Variants in PRKRIP1 observed in about 807,000 individuals in gnomAD.
PRKRIP1 encodes PRKR-interacting protein 1.
In PRKRIP1, 29 loss-of-function variants were observed where a neutral mutation model predicts 29.3. The observed-to-expected ratio is 0.99, with a 90% confidence interval of 0.74 to 1.35. The LOEUF (loss-of-function observed/expected upper bound fraction) is 1.35. Ranked by LOEUF, PRKRIP1 falls within the 40% of genes most tolerant of loss-of-function variation. The pLI, the probability that PRKRIP1 is intolerant of heterozygous loss-of-function variation, is 0.00. For missense variants in PRKRIP1, 247 were observed against 236.8 expected (o/e 1.04, Z -0.28); for synonymous variants, 90 against 85.1 (o/e 1.06, Z -0.32).
rs1445536579 is a variant in PRKRIP1 at position 102,425,262 on chromosome 7, A to G, written c.*151A>G. 5.4e-6 allele frequency: 8 copies of G among 1,485,456 alleles called. No individual in the cohort carries two copies. Among genetic ancestry groups the G allele is most frequent in the Non-Finnish European group, 7.1e-6 (8 of 1,120,762 alleles). 92.0% of individuals were successfully genotyped at this position (1,485,456 alleles called of 1,614,324 possible). A position where few individuals can be genotyped will look rare whatever the true frequency, so the allele number is the denominator to read the frequency against. ...CCTCCCGAGCCGCTCACAGTCCTGT[A>G]TTTGGCAGGTTTGGGAGCCTGAGGG... is the stretch of plus-strand genomic sequence containing the variant. On this transcript the variant is annotated 3_prime_UTR_variant, in exon 6 of 6. Coordinates refer to ENST00000397912, the MANE Select transcript of PRKRIP1 (RefSeq NM_024653.4).
At chr7:102,413,015 C>G (rs187070906) in intron 5 of PRKRIP1, among the ~76,000 whole-genome samples, 1 of 152,168 alleles carries the variant, frequency 6.6e-6, no homozygotes, top group Non-Finnish European at 1.5e-5. Context: ...AAATCCAGGG[C>G]GCCCTTAGGG....
chr7:102,420,310 T>C (rs575549876), intron 5 of PRKRIP1, among the ~76,000 whole-genome samples: 16 of 152,348 alleles, frequency 1.1e-4, no homozygotes, highest in African/African-American at 3.8e-4. Flanking sequence ...CAAACTGTCT[T>C]GCAAAGTGGC....
chr7:102,397,387 A>G (rs1795936543), intron 1 of PRKRIP1, among the ~76,000 whole-genome samples: 1 of 152,022 alleles, frequency 6.6e-6, no homozygotes, highest in African/African-American at 2.4e-5. Context: ...TCTTTACAAA[A>G]ATAAAAAAAT....
intron 5 of PRKRIP1, among the ~76,000 whole-genome samples, chr7:102,418,266 T>A (rs1796606396): frequency 6.6e-6 from 1 of 152,068 alleles, no homozygotes; most frequent in Admixed American, 6.6e-5. Flanking sequence ...GCCAGGCTGG[T>A]CTCGAACTCC....
Position 102,399,573 on chromosome 7 carries a change from A to C in PRKRIP1, c.231A>C (p.Gly77=). ...GTTCAAGTGCTGGGGCCGGCAGTGG[A>C]GAGTTCCACGTGTACAGACATCTGC... ...VMGSSAGAGS[G]EFHVYRHLRR... Residue 77 remains glycine (G), a synonymous_variant, in exon 3 of 6, where the codon GGA becomes GGC. Coordinates refer to ENST00000397912, the MANE Select transcript of PRKRIP1 (RefSeq NM_024653.4). 1 of 1,614,134 alleles carries C rather than the reference A, an allele frequency of 6.2e-7. No individual in the cohort carries two copies. Among genetic ancestry groups the C allele is most frequent in the Non-Finnish European group, 8.5e-7 (1 of 1,180,014 alleles).
At chr7:102,418,527 A>C (rs1240579109) in intron 5 of PRKRIP1, among the ~76,000 whole-genome samples, 1 of 152,096 alleles carries the variant, frequency 6.6e-6, no homozygotes, top group Non-Finnish European at 1.5e-5. Flanking sequence ...TAATACCCAT[A>C]ACCATCCCCA....
intron 5 of PRKRIP1, among the ~76,000 whole-genome samples, chr7:102,413,241 G>T (rs1362624982): frequency 6.6e-6 from 1 of 152,154 alleles, no homozygotes. Context: ...CACCCCAGTG[G>T]GGGAGGAGGA....
chr7:102,396,474 CGTCAT>C lies in PRKRIP1; in HGVS notation c.64_68del (p.Val22ProfsTer31). 1.9e-6 allele frequency: 3 copies of C among 1,609,894 alleles called. No individual in the cohort carries two copies. In the South Asian group the frequency reaches 3.3e-5, roughly 18 times the overall value. On this transcript the variant is annotated frameshift_variant, in exon 1 of 6. Coordinates refer to ENST00000397912, the MANE Select transcript of PRKRIP1 (RefSeq NM_024653.4). LOFTEE classifies it high-confidence loss of function. ...GGCCCAAGAAAGAGCCGCAGACGCT[CGTCAT>C]CCCCAAGAATGCGGCGGAGGAGCAG... is the stretch of plus-strand genomic sequence containing the variant.
At chr7:102,403,423 A>G (rs782812121) in intron 3 of PRKRIP1, among the ~76,000 whole-genome samples, 4 of 152,138 alleles carry the variant, frequency 2.6e-5, no homozygotes, top group Non-Finnish European at 5.9e-5. Context: ...TTTTTGCTCC[A>G]TTGACCTTTA....
chr7:102,401,653 A>C (rs111730991), intron 3 of PRKRIP1, among the ~76,000 whole-genome samples: 77 of 152,344 alleles, frequency 5.1e-4, no homozygotes, highest in African/African-American at 1.8e-3. Context: ...GAATCGCTTG[A>C]ACCCAGGAGT....
At chr7:102,419,690 C>T (rs553074011) in intron 5 of PRKRIP1, among the ~76,000 whole-genome samples, 7 of 152,120 alleles carry the variant, frequency 4.6e-5, no homozygotes, top group South Asian at 2.1e-4. Flanking sequence ...CTTACCAGAA[C>T]GTGGCTTAAT....
At chr7:102,405,165 G>C (rs1796181075) in intron 4 of PRKRIP1, among the ~76,000 whole-genome samples, 1 of 152,128 alleles carries the variant, frequency 6.6e-6, no homozygotes, top group South Asian at 2.1e-4. Flanking sequence ...CACCTCAGGT[G>C]ATCCGCCTGC....
chr7:102,419,073 T>G (rs1278245104), intron 5 of PRKRIP1, among the ~76,000 whole-genome samples: 1 of 152,136 alleles, frequency 6.6e-6, no homozygotes, highest in Non-Finnish European at 1.5e-5. Context: ...ATGTGTCACC[T>G]TCTGCGTTCC....
intron 2 of PRKRIP1, 148 bp downstream of exon 2, chr7:102,397,846 C>G (rs1252900542): frequency 8.2e-6 from 5 of 613,398 alleles, no homozygotes; most frequent in Non-Finnish European, 1.1e-5. Flanking sequence ...GAGATCGAGA[C>G]CATCCTGGCT....
chr7:102,397,503 A>C, intron 1 of PRKRIP1, 117 bp from the exon 2 acceptor site: 1 of 766,188 alleles, frequency 1.3e-6, no homozygotes, highest in South Asian at 1.7e-5. Context: ...CTCTGATTGC[A>C]CCACTGCACT....
In PRKRIP1 at chr7:102,396,366, C is replaced by G; in HGVS notation, c.-46C>G. Reference sequence around the variant, plus strand: ...GCCGGCGCGCGGCTGTGTCGTCATACTTGCGCGCCGACGCCGCCGCTCGCT... The same window carrying G: ...GCCGGCGCGCGGCTGTGTCGTCATAGTTGCGCGCCGACGCCGCCGCTCGCT... On this transcript the variant is annotated 5_prime_UTR_variant, in exon 1 of 6. Coordinates refer to ENST00000397912, the MANE Select transcript of PRKRIP1 (RefSeq NM_024653.4). 3 of 1,479,042 alleles carry G rather than the reference C, an allele frequency of 2.0e-6. No individual in the cohort carries two copies. The highest frequency in any genetic ancestry group is 2.7e-6 in the Non-Finnish European group (3 of 1,119,196). 91.6% of individuals were successfully genotyped at this position (1,479,042 alleles called of 1,614,324 possible).
At chr7:102,400,311 A>T (rs781825442) in intron 3 of PRKRIP1, among the ~76,000 whole-genome samples, 1 of 152,260 alleles carries the variant, frequency 6.6e-6, no homozygotes, top group South Asian at 2.1e-4. Flanking sequence ...CTCCATCTCA[A>T]AAAAAGGAAA....
chr7:102,424,542 A>G (rs1796785641), intron 5 of PRKRIP1, among the ~76,000 whole-genome samples: 1 of 152,220 alleles, frequency 6.6e-6, no homozygotes, highest in Non-Finnish European at 1.5e-5. Flanking sequence ...TTCCTGGGCC[A>G]TGCTTGGGAG....
chr7:102,425,289 C>T lies in PRKRIP1; in HGVS notation c.*178C>T. ...TTGGCAGGTTTGGGAGCCTGAGGGGCCATCTCCCTGACACTCAGAGGCACT... is the reference window on the plus strand; with the variant it reads ...TTGGCAGGTTTGGGAGCCTGAGGGGTCATCTCCCTGACACTCAGAGGCACT... On this transcript the variant is annotated 3_prime_UTR_variant, in exon 6 of 6. Coordinates refer to ENST00000397912, the MANE Select transcript of PRKRIP1 (RefSeq NM_024653.4). 7.6e-7 allele frequency: 1 copy of T among 1,324,104 alleles called. No homozygotes were observed. The highest frequency in any genetic ancestry group is 2.6e-5 in the East Asian group (1 of 38,464). The allele number at this position is 1,324,104 out of a possible 1,614,324, so 82.0% of individuals were successfully genotyped here. A position where few individuals can be genotyped will look rare whatever the true frequency, so the allele number is the denominator to read the frequency against.
Sources: gnomAD v4.1 joint callset for allele counts (sites outside exome capture counted in the v4.1 genomes callset) on GRCh38, gnomAD v4.1.1 for gene constraint, MANE v1.5 for transcripts, NCBI Gene and HGNC (gene_info 2026-07-23, HGNC 2026-07-21) for gene names.